Variants in GTPBP8 observed in about 807,000 individuals in gnomAD.
GTPBP8 encodes GTP binding protein 8, also known as GTP-binding protein 8.
A neutral mutation model predicts 27.3 loss-of-function variants in GTPBP8; 21 were observed. The observed-to-expected ratio is 0.77, with a 90% CI of 0.55 to 1.11. The LOEUF (loss-of-function observed/expected upper bound fraction) is 1.11. Ranked by LOEUF, GTPBP8 falls within the 50% of genes least tolerant of loss-of-function variation. GTPBP8 has a pLI of 0.00. For missense variants in GTPBP8, 380 were observed against 350.8 expected (o/e 1.08, Z -0.67); for synonymous variants, 147 against 135.3 (o/e 1.09, Z -0.60).
In GTPBP8 at chr3:112,991,168, T is replaced by G; in HGVS notation, c.169T>G (p.Phe57Val). ...LLYPLQEVER[F>V]LAPYGRQDLH... ...GTACCCGCTGCAGGAAGTAGAGCGG[T>G]TCCTCGCCCCCTACGGGAGGCAAGA... The change falls in exon 1 of 6, where the codon TTC (phenylalanine) becomes GTC (valine). Residue 57 changes from phenylalanine (F) to valine (V), a missense_variant. Transcript: ENST00000383678. 1 of 1,614,124 alleles carries G rather than the reference T, an allele frequency of 6.2e-7. No individual in the cohort carries two copies. The highest frequency in any genetic ancestry group is 1.1e-5 in the South Asian group (1 of 91,082).
At chr3:113,000,739 G>A (rs1204437017) in intron 5 of GTPBP8, 111 bp from the exon 6 acceptor site, 11 of 645,124 alleles carry the variant, frequency 1.7e-5, no homozygotes, top group South Asian at 9.7e-5. Context: ...ATTAAAAGAT[G>A]TTCTGCTTTC....
rs754301790 is a variant in GTPBP8 at position 112,991,232 on chromosome 3, T to G, written c.233T>G (p.Ile78Arg). 6.2e-7 allele frequency: 1 copy of G among 1,613,978 alleles called. No individual in the cohort carries two copies. The highest frequency in any genetic ancestry group is 1.7e-5 in the Admixed American group (1 of 60,006). The change falls in exon 1 of 6, where the codon ATA (isoleucine) becomes AGA (arginine). Residue 78 changes from isoleucine (I) to arginine (R), a missense_variant. Ile to Arg is a moderately conservative substitution (Grantham distance 97). Coordinates refer to ENST00000383678, the MANE Select transcript of GTPBP8 (RefSeq NM_014170.4). ...LRIFDPSPED[I>R]ARADNIFTAT... ...ATCTTTGACCCAAGCCCGGAGGACA[T>G]AGCCAGGGCGGACAACATCTTCACG...
At chr3:112,996,303 CAAAA>C (rs1382205449) in intron 3 of GTPBP8, among the ~76,000 whole-genome samples, 1 of 136,820 alleles carries the variant, frequency 7.3e-6, no homozygotes, top group Non-Finnish European at 1.6e-5. Flanking sequence ...ACTAAAAATA[CAAAA>C]AAAAAAAAAT....
chr3:112,994,998 G>A, intron 2 of GTPBP8, 137 bp from the exon 3 acceptor site: 1 of 576,692 alleles, frequency 1.7e-6, no homozygotes, highest in Admixed American at 3.0e-5. Flanking sequence ...CTTTTCCTGT[G>A]TCATCATCAG....
At chr3:112,997,949 G>GTTGGAAAAGGAATTGGAATAGAAAAGTTA (rs1933818754) in intron 4 of GTPBP8, among the ~76,000 whole-genome samples, 1 of 152,054 alleles carries the variant, frequency 6.6e-6, no homozygotes, top group Non-Finnish European at 1.5e-5. Context: ...TACTTTCTTC[G>GTTGGAAAAGGAATTGGAATAGAAAAGTTA]TTGGAAAAGG....
At chr3:112,999,098 C>A (rs1933842753) in intron 4 of GTPBP8, among the ~76,000 whole-genome samples, 4 of 152,116 alleles carry the variant, frequency 2.6e-5, no homozygotes, top group Admixed American at 2.6e-4. Context: ...ACCCAATATT[C>A]ATTTATATAT....
intron 4 of GTPBP8, 29 bp from the exon 5 acceptor site, chr3:112,999,417 C>A: frequency 2.6e-6 from 2 of 757,832 alleles, no homozygotes; most frequent in Non-Finnish European, 2.2e-6. Context: ...CACTTTATTT[C>A]TAATGCATAA....
At chr3:113,000,791 T>C in intron 5 of GTPBP8, 59 bp from the exon 6 acceptor site, 1 of 999,702 alleles carries the variant, frequency 1.0e-6, no homozygotes, top group Non-Finnish European at 1.5e-6. Flanking sequence ...TTTAAGTTGA[T>C]GAATTCAGAT....
chr3:113,001,750 T>C lies in GTPBP8; in HGVS notation c.*831T>C, dbSNP rs1933918121. 6.6e-6 allele frequency: 1 copy of C among 152,186 alleles called. No homozygotes were observed. The highest frequency in any genetic ancestry group is 2.4e-5 in the African/African-American group (1 of 41,452). 9.4% of individuals were successfully genotyped at this position (152,186 alleles called of 1,614,324 possible). On this transcript the variant is annotated 3_prime_UTR_variant, in exon 6 of 6. Transcript: ENST00000383678. ...AAATAGCTTTAAGTGAGAAAACTAA[T>C]TTGTAAAGGGCAAGAGAAAAAAGCT...
At chr3:112,992,081 G>C (rs1384921774) in intron 1 of GTPBP8, 1 of 152,428 alleles carries the variant, frequency 6.6e-6, no homozygotes, top group East Asian at 1.9e-4. Context: ...AGGATTCAAA[G>C]AGTACCTCAA....
At position 113,000,929 on chromosome 3, in the gene GTPBP8, G is replaced by A. The variant is rs199798570; in HGVS notation, c.*10G>A. On this transcript the variant is annotated 3_prime_UTR_variant, in exon 6 of 6. Transcript: ENST00000383678. ...AGGAAGTCTTGACTAATGGTTCCCG[G>A]TTTAGCTGAAGATTCAAAAAAAAAA... The A allele has an allele frequency of 1.5e-6, 2 of 1,359,226 alleles. No individual in the cohort carries two copies. The highest frequency in any genetic ancestry group is 1.0e-6 in the Non-Finnish European group (1 of 979,650). 84.2% of individuals were successfully genotyped at this position (1,359,226 alleles called of 1,614,324 possible).
intron 4 of GTPBP8, among the ~76,000 whole-genome samples, chr3:112,998,030 T>TC (rs1251322827): frequency 6.6e-6 from 1 of 152,190 alleles, no homozygotes; most frequent in African/African-American, 2.4e-5. Context: ...GAGGAAAGAC[T>TC]CCCATTTGCG....
chr3:112,992,895 C>A, intron 1 of GTPBP8, 131 bp from the exon 2 acceptor site: 1 of 553,060 alleles, frequency 1.8e-6, no homozygotes, highest in Non-Finnish European at 3.2e-6. Context: ...ATGCTGAATG[C>A]TTAAAATAGT....
At chr3:112,999,671 A>AT in intron 5 of GTPBP8, 107 bp downstream of exon 5, 1 of 616,034 alleles carries the variant, frequency 1.6e-6, no homozygotes. Flanking sequence ...TTTTGGTTGC[A>AT]TGGAAAAGTT....
chr3:112,999,477 A>G lies in GTPBP8; in HGVS notation c.698A>G (p.Lys233Arg), dbSNP rs1227259323. The G allele has an allele frequency of 2.0e-6, 3 of 1,517,450 alleles. No individual in the cohort carries two copies. The highest frequency in any genetic ancestry group is 1.8e-5 in the Admixed American group (1 of 54,526). 94.0% of individuals were successfully genotyped at this position (1,517,450 alleles called of 1,614,324 possible). A position where few individuals can be genotyped will look rare whatever the true frequency, so the allele number is the denominator to read the frequency against. Residue 233 changes from lysine (K) to arginine (R), a missense_variant, in exon 5 of 6, where the codon AAG (lysine) becomes AGG (arginine). Lys to Arg is a conservative substitution (Grantham distance 26). Coordinates refer to ENST00000383678, the MANE Select transcript of GTPBP8 (RefSeq NM_014170.4). ...IVLTKIDKSS[K>R]GHLLKQVLQI... The stretch of plus-strand genomic sequence containing the variant: ...TTAACAAAAATTGACAAATCTTCCA[A>G]GGGACATCTTTTAAAACAAGTGCTT...
chr3:112,994,285 C>T (rs377480526), intron 2 of GTPBP8, among the ~76,000 whole-genome samples: 8 of 152,008 alleles, frequency 5.3e-5, no homozygotes, highest in Admixed American at 3.3e-4. Context: ...TAGCCAGGCG[C>T]GGTGGTGCAT....
At chr3:112,996,596 G>C (rs969697523) in intron 3 of GTPBP8, among the ~76,000 whole-genome samples, 2 of 152,086 alleles carry the variant, frequency 1.3e-5, no homozygotes. Context: ...GCTTTTAGAG[G>C]AGGGAACTCA....
In GTPBP8 at chr3:112,991,215, C is replaced by T; in HGVS notation, c.216C>T (p.Asp72=). 1.9e-6 allele frequency: 3 copies of T among 1,614,188 alleles called. No homozygotes were observed. Among genetic ancestry groups the T allele is most frequent in the Non-Finnish European group, 2.5e-6 (3 of 1,180,028 alleles). Residue 72 remains aspartate, a synonymous_variant, in exon 1 of 6, where the codon GAC becomes GAT. Coordinates refer to ENST00000383678, the MANE Select transcript of GTPBP8 (RefSeq NM_014170.4). ...AAGACCTTCACCTGCGTATCTTTGA[C>T]CCAAGCCCGGAGGACATAGCCAGGG... ...GRQDLHLRIF[D]PSPEDIARAD...
At chr3:112,994,408 A>G (rs1011611261) in intron 2 of GTPBP8, among the ~76,000 whole-genome samples, 3 of 149,010 alleles carry the variant, frequency 2.0e-5, no homozygotes, top group African/African-American at 7.5e-5. Flanking sequence ...GGACAACAAG[A>G]GTGAAACTCT....
Sources: allele counts gnomAD v4.1 joint callset (sites outside exome capture counted in the v4.1 genomes callset), GRCh38; gene constraint gnomAD v4.1.1; transcripts MANE v1.5; gene names NCBI Gene and HGNC (gene_info 2026-07-23, HGNC 2026-07-21).